Variants in ABCB1 observed in about 807,000 individuals in gnomAD.
ABCB1 encodes the protein ATP binding cassette subfamily B member 1, also known as ATP-dependent translocase ABCB1.
A neutral mutation model predicts 142.0 loss-of-function variants in ABCB1; 69 were observed. That is an observed-to-expected ratio of 0.49 (90% CI 0.40 to 0.59). The LOEUF (loss-of-function observed/expected upper bound fraction) is 0.59, where lower values mean the gene tolerates loss of function less well. ABCB1 is among the 20% of genes least tolerant of loss of function. The pLI is 0.00. For missense variants in ABCB1, 1,326 were observed against 1,554.7 expected, an observed-to-expected ratio of 0.85 and a Z score of 2.47; for synonymous variants, 532 against 539.2, an observed-to-expected ratio of 0.99 and a Z score of 0.18.
At chr7:87,631,562 T>C (rs1258325381) in intron 1 of ABCB1, among the ~76,000 whole-genome samples, 1 of 152,118 alleles carries the variant, frequency 6.6e-6, no homozygotes, top group Admixed American at 6.5e-5. Flanking sequence ...GGCTAATTTT[T>C]TGTGTTTTGT....
At chr7:87,609,778 A>G (rs537022697) in intron 1 of ABCB1, among the ~76,000 whole-genome samples, 1 of 152,240 alleles carries the variant, frequency 6.6e-6, no homozygotes, top group South Asian at 2.1e-4. Flanking sequence ...TACTTGCCTT[A>G]GTGGTATCTG....
At chr7:87,511,470 T>A (rs1815005542) in intron 25 of ABCB1, among the ~76,000 whole-genome samples, 1 of 152,218 alleles carries the variant, frequency 6.6e-6, no homozygotes, top group African/African-American at 2.4e-5. Context: ...AAATGTGTAT[T>A]CTTCTATGCA....
chr7:87,659,126 C>T (rs1406329424), intron 1 of ABCB1: 5 of 324,126 alleles, frequency 1.5e-5, no homozygotes, highest in Middle Eastern at 1.6e-3. Context: ...CATGCCACTG[C>T]AATCTAGCCT....
intron 5 of ABCB1, 143 bp from the exon 6 acceptor site, chr7:87,567,119 G>A (rs545294100): frequency 3.9e-6 from 3 of 766,530 alleles, no homozygotes; most frequent in Non-Finnish European, 6.7e-6. Context: ...AACAAGCAGA[G>A]TTGATAGTCA....
At chr7:87,667,428 A>C (rs1477982503) in intron 1 of ABCB1, among the ~76,000 whole-genome samples, 1 of 151,836 alleles carries the variant, frequency 6.6e-6, no homozygotes, top group Non-Finnish European at 1.5e-5. Context: ...GAATCATGTC[A>C]TCTGCAAACA....
intron 1 of ABCB1, chr7:87,629,007 G>C: frequency 7.8e-7 from 1 of 1,283,854 alleles, no homozygotes; most frequent in South Asian, 3.6e-5. Flanking sequence ...CTGGGCTTCC[G>C]CGCGGGTCCT....
intron 27 of ABCB1, among the ~76,000 whole-genome samples, 180 bp from the exon 28 acceptor site, chr7:87,504,629 C>G (rs1431846430): frequency 6.6e-6 from 1 of 151,878 alleles, no homozygotes; most frequent in Non-Finnish European, 1.5e-5. Flanking sequence ...CACGGTGAAA[C>G]CCCATCTCTA....
intron 1 of ABCB1, among the ~76,000 whole-genome samples, chr7:87,626,091 T>TATATATATATAGTCATATATATGTGTC (rs1554444008): frequency 1.8e-4 from 17 of 95,816 alleles, no homozygotes; most frequent in Non-Finnish European, 2.8e-4. Flanking sequence ...TATATATATA[T>TATATATATATAGTCATATATATGTGTC]ATATATATTG....
At chr7:87,515,511 G>A (rs1485235538) in intron 24 of ABCB1, 83 bp from the exon 25 acceptor site, 1 of 1,234,886 alleles carries the variant, frequency 8.1e-7, no homozygotes, top group Non-Finnish European at 1.2e-6. Flanking sequence ...ATTACCAGGT[G>A]TCAGAAGATA....
chr7:87,600,181 C>T lies in ABCB1; in HGVS notation c.4G>A (p.Asp2Asn), dbSNP rs1320562631. M[D>N]LEGDRNGGAK... ...CCTCCATTGCGGTCCCCTTCAAGAT[C>T]CATTCCGACCTGAAGAGAAACCGCA... Residue 2 changes from aspartate to asparagine, a missense_variant, in exon 2 of 28, where the codon GAT becomes AAT. Asp to Asn is a conservative substitution (Grantham distance 23, BLOSUM62 1). Transcript: ENST00000622132. 1 of 1,614,086 alleles carries T rather than the reference C, an allele frequency of 6.2e-7. No individual in the cohort carries two copies. Among genetic ancestry groups the T allele is most frequent in the Admixed American group, 1.7e-5 (1 of 60,022 alleles).
chr7:87,660,060 G>A (rs542780052), intron 1 of ABCB1, among the ~76,000 whole-genome samples: 48 of 152,070 alleles, frequency 3.2e-4, no homozygotes, highest in Non-Finnish European at 4.0e-4. Context: ...AGTAAAATTA[G>A]TCTGTTTTGT....
intron 25 of ABCB1, among the ~76,000 whole-genome samples, chr7:87,509,791 G>C (rs1343807901): frequency 1.3e-5 from 2 of 152,122 alleles, no homozygotes; most frequent in Non-Finnish European, 2.9e-5. Context: ...ATGTTACATG[G>C]CAAAAAGAAA....
intron 12 of ABCB1, 49 bp from the exon 13 acceptor site, chr7:87,550,103 C>T: frequency 1.2e-6 from 2 of 1,613,964 alleles, no homozygotes; most frequent in Non-Finnish European, 1.7e-6. Flanking sequence ...ATTGAAAGGG[C>T]AACATCAGAA....
chr7:87,687,981 T>G (rs1304625680), intron 1 of ABCB1, among the ~76,000 whole-genome samples: 13 of 152,174 alleles, frequency 8.5e-5, no homozygotes, highest in Middle Eastern at 3.2e-3. Flanking sequence ...ACTTAAATTG[T>G]TTCTGTAGTA....
At chr7:87,525,646 G>A (rs1433047861) in intron 21 of ABCB1, among the ~76,000 whole-genome samples, 3 of 152,050 alleles carry the variant, frequency 2.0e-5, no homozygotes, top group African/African-American at 4.8e-5. Flanking sequence ...TTCATTAAGC[G>A]GAAGTGGATC....
intron 1 of ABCB1, among the ~76,000 whole-genome samples, chr7:87,626,148 ATTGTCATATATATGTGTCATATATATT>A (rs1820466031): frequency 8.3e-6 from 1 of 120,370 alleles, no homozygotes; most frequent in Non-Finnish European, 1.7e-5. Context: ...TGTCATATAT[ATTGTCATATATATGTGTCATATATATT>A]GTCATATATA....
At position 87,701,909 on chromosome 7, in the gene ABCB1, C is replaced by T. The variant is rs1039658011; in HGVS notation, c.-331+11252G>A. Among the ~76,000 whole-genome samples the T allele has an allele frequency of 7.9e-5, 12 of 151,850 alleles. 1 individual carries two copies. The East Asian group carries it at 2.3e-3, about 29-fold the overall frequency. On this transcript the variant is annotated intron_variant, in intron 1 of 28. Coordinates refer to the ABCB1 transcript ENST00000265724. ...CTGTAATCCCAGCACTTTGGGAGGC[C>T]GAGGCAGGCGGATCACGAGGTCAGG...
chr7:87,589,805 G>GGAGAGAGAGAGAGAGAGAGAGAGAGAGA (rs370840500), intron 3 of ABCB1, among the ~76,000 whole-genome samples: 6 of 105,384 alleles, frequency 5.7e-5, no homozygotes, highest in African/African-American at 2.4e-4. Context: ...GAGAGAGAGA[G>GGAGAGAGAGAGAGAGAGAGAGAGAGAGA]GAGAGAGAGA....
At position 87,515,405 on chromosome 7, in the gene ABCB1, T is replaced by C. The variant is rs748303753; in HGVS notation, c.3108A>G (p.Thr1036=). The change falls in exon 25 of 28, where the codon ACA becomes ACG. Residue 1036 remains threonine (T), a synonymous_variant. Transcript: ENST00000622132. ...LMPNTLEGNV[T]FGEVVFNYPT... ...GATAGTTGAATACAACTTCACCAAATGTGACATTTCCTTCCAATGTGTTCT... is the reference window on the plus strand; with the variant it reads ...GATAGTTGAATACAACTTCACCAAACGTGACATTTCCTTCCAATGTGTTCT... 6.2e-7 allele frequency: 1 copy of C among 1,614,102 alleles called. No individual in the cohort carries two copies. The highest frequency in any genetic ancestry group is 1.3e-5 in the African/African-American group (1 of 75,024).
Sources: gnomAD v4.1 joint callset for allele counts (sites outside exome capture counted in the v4.1 genomes callset) on GRCh38, gnomAD v4.1.1 for gene constraint, MANE v1.5 for transcripts, NCBI Gene and HGNC (gene_info 2026-07-23, HGNC 2026-07-21) for gene names.